Variants in FAM118B observed in about 807,000 individuals in gnomAD.
FAM118B encodes the protein protein FAM118B.
In FAM118B, 24 loss-of-function variants were observed where a neutral mutation model predicts 38.5. That is an observed-to-expected ratio of 0.62 (90% CI 0.45 to 0.88). FAM118B has a LOEUF of 0.88. FAM118B is among the 40% of genes least tolerant of loss of function. The pLI is 0.00. For synonymous variants in FAM118B, 138 were observed against 156.3 expected, an observed-to-expected ratio of 0.88 and a Z score of 0.87; for missense variants, 334 against 420.0, an observed-to-expected ratio of 0.80 and a Z score of 1.79.
At chr11:126,224,431 A>G (rs1204656541) in intron 1 of FAM118B, among the ~76,000 whole-genome samples, 1 of 146,704 alleles carries the variant, frequency 6.8e-6, no homozygotes, top group African/African-American at 2.5e-5. Context: ...AGCCATGATC[A>G]TGCCACCATG....
intron 1 of FAM118B, among the ~76,000 whole-genome samples, chr11:126,223,946 G>A (rs1421987913): frequency 6.6e-6 from 1 of 152,192 alleles, no homozygotes; most frequent in Admixed American, 6.5e-5. Context: ...ATTTATTTGT[G>A]TACACAGTTT....
At chr11:126,236,312 A>T (rs1315169777) in intron 3 of FAM118B, among the ~76,000 whole-genome samples, 3 of 152,236 alleles carry the variant, frequency 2.0e-5, no homozygotes, top group African/African-American at 7.2e-5. Context: ...GGTCTTTATC[A>T]TACACTTACA....
chr11:126,240,591 T>C (rs1950343020), intron 3 of FAM118B, among the ~76,000 whole-genome samples: 1 of 152,182 alleles, frequency 6.6e-6, no homozygotes, highest in Admixed American at 6.5e-5. Context: ...GAAATAGGTT[T>C]ATGACTTGTT....
At chr11:126,248,335 A>G (rs1472319196) in intron 4 of FAM118B, among the ~76,000 whole-genome samples, 2 of 115,668 alleles carry the variant, frequency 1.7e-5, no homozygotes, top group African/African-American at 3.4e-5. Context: ...CTAAAAAAGT[A>G]TCTGACCTTC....
Position 126,216,372 on chromosome 11 carries a change from T to G in FAM118B, c.-77+4542T>G, listed in dbSNP as rs7942585. 7.7e-3 allele frequency among the ~76,000 whole-genome samples: 1,166 copies of G among 151,802 alleles called. 12 individuals are homozygous for G. Among genetic ancestry groups the G allele is most frequent in the African/African-American group, 0.025 (1,046 of 41,432 alleles). Reference sequence around the variant, plus strand: ...GCCTAGGTGACAGAGCGAGACTCTGTCACCAAAAAAAAACCCAACAAAACA... The same window carrying G: ...GCCTAGGTGACAGAGCGAGACTCTGGCACCAAAAAAAAACCCAACAAAACA... On this transcript the variant is annotated intron_variant, in intron 1 of 8. Transcript: ENST00000533050.
At chr11:126,238,480 C>T (rs1950309946) in intron 3 of FAM118B, among the ~76,000 whole-genome samples, 1 of 152,154 alleles carries the variant, frequency 6.6e-6, no homozygotes, top group Non-Finnish European at 1.5e-5. Context: ...GTCCTCATTT[C>T]CTAACTGGAT....
rs1950513048 is a variant in FAM118B at position 126,252,167 on chromosome 11, A to C, written c.567+1434A>C. On this transcript the variant is annotated intron_variant, in intron 5 of 8. Coordinates refer to ENST00000533050, the MANE Select transcript of FAM118B (RefSeq NM_024556.4). This position sits in a 1 kb window ranked among gnomAD's most constrained non-coding sequence, Gnocchi z 4.7. ...ACGTCTGGCTAATTTTTGTATTTTCAGTAGAGACAGGGTTTCACCATGTTG... is the reference window on the plus strand; with the variant it reads ...ACGTCTGGCTAATTTTTGTATTTTCCGTAGAGACAGGGTTTCACCATGTTG... Among the ~76,000 whole-genome samples the C allele has an allele frequency of 6.7e-6, 1 of 149,952 alleles. No homozygotes were observed. Among genetic ancestry groups the C allele is most frequent in the Non-Finnish European group, 1.5e-5 (1 of 67,550 alleles).
At chr11:126,220,679 T>C (rs1156748661) in intron 1 of FAM118B, among the ~76,000 whole-genome samples, 1 of 152,178 alleles carries the variant, frequency 6.6e-6, no homozygotes, top group Non-Finnish European at 1.5e-5. Flanking sequence ...CTTGCCGTCC[T>C]GGGGAACAGA....
intron 1 of FAM118B, among the ~76,000 whole-genome samples, chr11:126,212,454 A>G (rs1280724602): frequency 6.6e-6 from 1 of 152,072 alleles, no homozygotes; most frequent in Non-Finnish European, 1.5e-5. Context: ...ACGAGATGCG[A>G]TGTTGGGATT....
chr11:126,260,637 C>G (rs1950670814), intron 7 of FAM118B: 1 of 152,148 alleles, frequency 6.6e-6, no homozygotes. Context: ...TGAGTTCTCA[C>G]TGTAATCAGG....
chr11:126,251,148 G>A (rs907134752), intron 5 of FAM118B, among the ~76,000 whole-genome samples: 36 of 152,164 alleles, frequency 2.4e-4, no homozygotes, highest in Non-Finnish European at 4.3e-4. Flanking sequence ...CAGGCCAAGC[G>A]ATGGCTGAAT....
rs1173550762 is a variant in FAM118B, at chr11:126,253,292, A to G, written c.568-1013A>G. ...TTAAAGACATTGACTGGTAGTCAGA[A>G]TGGGGCCTAGTAACATTCAAATTCT... On this transcript the variant is annotated intron_variant, in intron 5 of 8. Transcript: ENST00000533050. The surrounding 1 kb of genome is among the most constrained non-coding windows in gnomAD (Gnocchi z 5.1). 6.6e-6 allele frequency among the ~76,000 whole-genome samples: 1 copy of G among 152,116 alleles called. No homozygotes were observed. Among genetic ancestry groups the G allele is most frequent in the Non-Finnish European group, 1.5e-5 (1 of 68,016 alleles).
chr11:126,223,169 G>A (rs1295697769), intron 1 of FAM118B, among the ~76,000 whole-genome samples: 1 of 152,118 alleles, frequency 6.6e-6, no homozygotes, highest in East Asian at 1.9e-4. Flanking sequence ...TGAGGGAGGG[G>A]GCTGGATGGA....
intron 7 of FAM118B, among the ~76,000 whole-genome samples, chr11:126,260,063 G>A (rs1280031637): frequency 6.6e-6 from 1 of 151,674 alleles, no homozygotes; most frequent in Non-Finnish European, 1.5e-5. Flanking sequence ...ACAGGGTCTT[G>A]CTTTTTCACC....
chr11:126,232,713 A>AT (rs974743144), intron 2 of FAM118B, among the ~76,000 whole-genome samples: 13 of 151,120 alleles, frequency 8.6e-5, no homozygotes, highest in South Asian at 8.3e-4. Flanking sequence ...CTTAAAAAAT[A>AT]TTTTTTTTTA....
At chr11:126,212,323 C>T (rs4420285) in intron 1 of FAM118B, among the ~76,000 whole-genome samples, 29,438 of 152,152 alleles carry the variant, frequency 0.19, 2,942 homozygotes, top group Admixed American at 0.25. Context: ...TTGGGGGTCT[C>T]CTCCCTACCT....
At chr11:126,226,143 T>TAGAA (rs2135140017) in intron 1 of FAM118B, among the ~76,000 whole-genome samples, 2 of 146,928 alleles carry the variant, frequency 1.4e-5, no homozygotes, top group Admixed American at 6.7e-5. Context: ...CACTGTGAGT[T>TAGAA]AGGCAGGCCA....
chr11:126,228,163 GA>G (rs1950167858), intron 1 of FAM118B, among the ~76,000 whole-genome samples: 1 of 151,694 alleles, frequency 6.6e-6, no homozygotes, highest in Admixed American at 6.6e-5. Flanking sequence ...GAAAAGGGGT[GA>G]AAATGAAGTG....
chr11:126,229,095 A>G (rs550129838), intron 1 of FAM118B, 130 bp from the exon 2 acceptor site: 5 of 152,300 alleles, frequency 3.3e-5, no homozygotes, highest in African/African-American at 4.8e-5. Context: ...GAGTTATTCA[A>G]TTTCATTTTT....
Sources: allele counts gnomAD v4.1 joint callset (sites outside exome capture counted in the v4.1 genomes callset), GRCh38; gene constraint gnomAD v4.1.1; non-coding constraint Gnocchi (gnomAD v3.1); transcripts MANE v1.5; gene names NCBI Gene and HGNC (gene_info 2026-07-23, HGNC 2026-07-21).